GCH1: variants seen among roughly 807,000 people sequenced by gnomAD.
GCH1 encodes GTP cyclohydrolase 1.
Under a neutral mutation model 25.9 loss-of-function variants are expected in GCH1, and 5 were observed. That is an observed-to-expected ratio of 0.19 (90% CI 0.10 to 0.41). GCH1 has a LOEUF of 0.41. GCH1 is among the 10% of genes least tolerant of loss of function. The pLI, the probability that GCH1 is intolerant of heterozygous loss-of-function variation, is 1.00. For missense variants in GCH1, 261 were observed against 336.5 expected (o/e 0.78, Z 1.75); for synonymous variants, 159 against 129.6 (o/e 1.23, Z -1.54).
intron 1 of GCH1, among the ~76,000 whole-genome samples, chr14:54,874,387 T>G (rs1429636591): frequency 6.6e-6 from 1 of 152,172 alleles, no homozygotes; most frequent in Non-Finnish European, 1.5e-5. Flanking sequence ...GCCAATGTCA[T>G]ACTGAATGGG....
intron 1 of GCH1, among the ~76,000 whole-genome samples, chr14:54,897,595 C>CTT (rs139321266): frequency 6.7e-6 from 1 of 148,254 alleles, no homozygotes; most frequent in African/African-American, 2.5e-5. Flanking sequence ...GGCTACTCCA[C>CTT]TTTTTTTTTT....
chr14:54,854,300 C>T (rs1173828821), intron 3 of GCH1, among the ~76,000 whole-genome samples: 2 of 152,172 alleles, frequency 1.3e-5, no homozygotes, highest in African/African-American at 4.8e-5. Flanking sequence ...AGATGAGAGG[C>T]AGGGAGGAGG....
chr14:54,897,362 C>T (rs1307035899), intron 1 of GCH1, among the ~76,000 whole-genome samples: 1 of 150,770 alleles, frequency 6.6e-6, no homozygotes, highest in East Asian at 1.9e-4. Context: ...AATCTTGGCT[C>T]ACTGCAATTT....
chr14:54,859,479 G>T, intron 3 of GCH1: 1 of 599,374 alleles, frequency 1.7e-6, no homozygotes, highest in Admixed American at 2.6e-5. Context: ...AGAAAGGGTG[G>T]GAAGTGGAAG....
At chr14:54,898,649 T>C (rs775953473) in intron 1 of GCH1, among the ~76,000 whole-genome samples, 6 of 152,232 alleles carry the variant, frequency 3.9e-5, no homozygotes, top group Non-Finnish European at 7.3e-5. Flanking sequence ...AGACGGAGTC[T>C]CACTCTGTCA....
chr14:54,855,299 A>G (rs1030595237), intron 3 of GCH1, among the ~76,000 whole-genome samples: 12 of 152,050 alleles, frequency 7.9e-5, no homozygotes, highest in African/African-American at 2.9e-4. Context: ...TGAGGTTAGG[A>G]GTTCAAGACC....
Position 54,845,753 on chromosome 14 carries a change from C to A in GCH1, c.626+15G>T, listed in dbSNP as rs759992302. ...TGCACCATTATGACGTTACTAAAGG[C>A]AGATGCAGACTTACGTTGCTTCAAC... On this transcript the variant is annotated intron_variant, in intron 5 of 5. Transcript: ENST00000491895. 7.1e-7 allele frequency: 1 copy of A among 1,417,438 alleles called. No individual in the cohort carries two copies. Among genetic ancestry groups the A allele is most frequent in the Admixed American group, 1.7e-5 (1 of 59,806 alleles). The allele number at this position is 1,417,438 out of a possible 1,614,324, so 87.8% of individuals were successfully genotyped here.
chr14:54,880,848 C>CAT (rs199678312), intron 1 of GCH1, among the ~76,000 whole-genome samples: 4,801 of 63,682 alleles, frequency 0.075, 986 homozygotes, highest in African/African-American at 0.16. Flanking sequence ...ATATATACTC[C>CAT]ATATATATAT....
intron 1 of GCH1, among the ~76,000 whole-genome samples, chr14:54,888,317 G>A (rs1268351172): frequency 6.6e-6 from 1 of 152,114 alleles, no homozygotes; most frequent in Non-Finnish European, 1.5e-5. Context: ...AGTGAGCGAT[G>A]ACAATTCTGA....
chr14:54,856,576 C>T (rs561222389), intron 3 of GCH1, among the ~76,000 whole-genome samples: 6 of 152,196 alleles, frequency 3.9e-5, no homozygotes, highest in African/African-American at 7.2e-5. Flanking sequence ...TCTCAGCCTC[C>T]GAAGTAGCTG....
chr14:54,885,942 A>T (rs546619575), intron 1 of GCH1: 2 of 224,888 alleles, frequency 8.9e-6, no homozygotes, highest in South Asian at 1.2e-4. Flanking sequence ...ACAGCAGTTC[A>T]CACAACAGCC....
chr14:54,877,904 G>C (rs757883316), intron 1 of GCH1, among the ~76,000 whole-genome samples: 2 of 152,116 alleles, frequency 1.3e-5, no homozygotes, highest in Non-Finnish European at 1.5e-5. Context: ...TGTTTCAGGT[G>C]ATCTGAGCAG....
intron 3 of GCH1, chr14:54,859,289 T>G (rs1440561259): frequency 8.1e-6 from 2 of 247,750 alleles, no homozygotes; most frequent in Non-Finnish European, 1.6e-5. Flanking sequence ...GACAACAAGT[T>G]CGACAGCAGA....
Position 54,847,090 on chromosome 14 carries a change from A to G in GCH1, c.541+9T>C. ...ATGTTTTCTGTTAATACAGATTTTT[A>G]AAGCTTACCTTGTAGTCTTCTACTA... On this transcript the variant is annotated intron_variant, in intron 4 of 5. Transcript: ENST00000491895. 2.1e-6 allele frequency: 2 copies of G among 944,672 alleles called. No individual in the cohort carries two copies. The highest frequency in any genetic ancestry group is 3.3e-6 in the Non-Finnish European group (2 of 599,796). The allele number at this position is 944,672 out of a possible 1,614,324, so 58.5% of individuals were successfully genotyped here. A position where few individuals can be genotyped will look rare whatever the true frequency, so the allele number is the denominator to read the frequency against.
At chr14:54,849,205 A>G (rs1461215203) in intron 3 of GCH1, among the ~76,000 whole-genome samples, 1 of 152,220 alleles carries the variant, frequency 6.6e-6, no homozygotes, top group African/African-American at 2.4e-5. Context: ...GTATGTGATT[A>G]TATGGTGAAC....
intron 4 of GCH1, 124 bp from the exon 5 acceptor site, chr14:54,845,976 C>G: frequency 1.4e-6 from 1 of 704,228 alleles, no homozygotes; most frequent in Admixed American, 2.0e-5. Flanking sequence ...CCAAGACACA[C>G]CAGCTTTTAC....
Position 54,884,772 on chromosome 14 carries a change from AAAC to A in GCH1, c.343+17546_343+17548del, listed in dbSNP as rs759940280. Reference sequence around the variant, plus strand: ...GCAACAAGAGTGAAACTCTGTCTCAAAACAACAACAACAACAACAACAACAACA... The same window carrying A: ...GCAACAAGAGTGAAACTCTGTCTCAAAACAACAACAACAACAACAACAACA... On this transcript the variant is annotated intron_variant, in intron 1 of 5. Coordinates refer to ENST00000491895, the MANE Select transcript of GCH1 (RefSeq NM_000161.3). 8.7e-4 allele frequency: 127 copies of A among 145,594 alleles called. 2 individuals carry two copies. Among genetic ancestry groups the A allele is most frequent in the Non-Finnish European group, 1.3e-3 (88 of 67,764 alleles). The allele number at this position is 145,594 out of a possible 1,614,324, so 9.0% of individuals were successfully genotyped here.
chr14:54,852,333 G>A (rs1444375746), intron 3 of GCH1, among the ~76,000 whole-genome samples: 1 of 152,128 alleles, frequency 6.6e-6, no homozygotes, highest in Non-Finnish European at 1.5e-5. Flanking sequence ...AAAGATTAAT[G>A]GAAAGATATT....
At chr14:54,874,597 T>C (rs183338561) in intron 1 of GCH1, among the ~76,000 whole-genome samples, 226 of 152,290 alleles carry the variant, frequency 1.5e-3, no homozygotes, top group African/African-American at 4.7e-3. Context: ...GAAAACCCCA[T>C]TGTCTCAGCT....
Sources: gnomAD v4.1 joint callset for allele counts (sites outside exome capture counted in the v4.1 genomes callset) on GRCh38, gnomAD v4.1.1 for gene constraint, MANE v1.5 for transcripts, NCBI Gene and HGNC (gene_info 2026-07-23, HGNC 2026-07-21) for gene names.